Variants in FREM3 observed in about 807,000 individuals in gnomAD.
FREM3 encodes FRAS1 related extracellular matrix 3, also known as FRAS1-related extracellular matrix protein 3.
A neutral mutation model predicts 129.1 loss-of-function variants in FREM3; 105 were observed. That is an observed-to-expected ratio of 0.81 (90% CI 0.69 to 0.96). The LOEUF (loss-of-function observed/expected upper bound fraction) is 0.96. Ranked by LOEUF, FREM3 falls within the 40% of genes least tolerant of loss-of-function variation. FREM3 has a pLI of 0.00. For synonymous variants in FREM3, 1,014 were observed against 1,044.9 expected (o/e 0.97, Z 0.57); for missense variants, 2,593 against 2,666.3 (o/e 0.97, Z 0.61).
At chr4:143,624,086 C>G in intron 4 of FREM3, 22 bp downstream of exon 4, 1 of 1,365,804 alleles carries the variant, frequency 7.3e-7, no homozygotes, top group Non-Finnish European at 1.0e-6. Context: ...GTTAATAAAG[C>G]AAATCAATCA....
intron 2 of FREM3, among the ~76,000 whole-genome samples, chr4:143,629,667 CT>C (rs928611308): frequency 2.6e-5 from 4 of 152,170 alleles, no homozygotes; most frequent in South Asian, 2.1e-4. Flanking sequence ...TTTATATTTA[CT>C]TTTTTTGTGT....
At chr4:143,654,720 G>T (rs1349325) in intron 2 of FREM3, among the ~76,000 whole-genome samples, 75,782 of 152,018 alleles carry the variant, frequency 0.5, 19,681 homozygotes, top group East Asian at 0.71. Context: ...ATAAGGCAAT[G>T]ACATCTACTA....
At chr4:143,665,188 G>T (rs141068579) in intron 2 of FREM3, among the ~76,000 whole-genome samples, 1 of 152,068 alleles carries the variant, frequency 6.6e-6, no homozygotes, top group Non-Finnish European at 1.5e-5. Context: ...CGTTGCTCAC[G>T]CTGGGAGCTG....
chr4:143,645,844 T>G (rs187672850), intron 2 of FREM3, among the ~76,000 whole-genome samples: 207 of 152,380 alleles, frequency 1.4e-3, no homozygotes, highest in Admixed American at 3.9e-3. Flanking sequence ...TGCCTTTTTT[T>G]CTTCATCTGT....
rs774683246 is a variant in FREM3 at position 143,624,198 on chromosome 4, C to T, written c.5563G>A (p.Glu1855Lys). The T allele has an allele frequency of 6.5e-7, 1 of 1,536,912 alleles. No individual in the cohort carries two copies. Among genetic ancestry groups the T allele is most frequent in the Non-Finnish European group, 8.7e-7 (1 of 1,146,618 alleles). The stretch of plus-strand genomic sequence containing the variant: ...TCAGACAGAATGATCTGGAAGGTCT[C>T]TGAAGTCTCATATTCATTGTCAGGT... ...IIPDNEYETS[E>K]TFQIILSEPL... Residue 1855 changes from glutamate (E) to lysine (K), a missense_variant, in exon 4 of 8, where the codon GAG becomes AAG. Glu to Lys is a moderately conservative substitution (Grantham distance 56). Around this residue, in one of 2 missense-constraint regions of FREM3, gnomAD observed 317 missense variants for 399.0 expected, o/e 0.79. Transcript: ENST00000329798.
rs866970001 is a variant in FREM3, at chr4:143,700,513, T to A, written c.163A>T (p.Thr55Ser). 3.2e-5 allele frequency: 48 copies of A among 1,516,816 alleles called. No individual in the cohort carries two copies. The African/African-American group carries it at 5.0e-4, about 16-fold the overall frequency. 94.0% of individuals were successfully genotyped at this position (1,516,816 alleles called of 1,614,324 possible). The change falls in exon 1 of 8, where the codon ACT becomes TCT. Residue 55 changes from threonine to serine, a missense_variant. Thr to Ser is a moderately conservative substitution (Grantham distance 58, BLOSUM62 1). Transcript: ENST00000329798. ...YLPARGALDG[T>S]RPDGPSVLIA... ...AGCACGCTGGGGCCGTCGGGGCGAG[T>A]GCCGTCAAGCGCACCCCGGGCGGGC... is the stretch of plus-strand genomic sequence containing the variant.
At chr4:143,674,305 G>C (rs1330249656) in intron 2 of FREM3, among the ~76,000 whole-genome samples, 1 of 152,128 alleles carries the variant, frequency 6.6e-6, no homozygotes, top group African/African-American at 2.4e-5. Flanking sequence ...TTCATAAGTG[G>C]AGGAGAAATA....
chr4:143,637,383 T>C (rs745338173), intron 2 of FREM3, among the ~76,000 whole-genome samples: 8 of 152,200 alleles, frequency 5.3e-5, no homozygotes, highest in Non-Finnish European at 1.2e-4. Context: ...TTCCTCTGGC[T>C]ATCTCCCATG....
chr4:143,578,932 A>T (rs1429601935), intron 7 of FREM3, among the ~76,000 whole-genome samples: 1 of 152,176 alleles, frequency 6.6e-6, no homozygotes, highest in Non-Finnish European at 1.5e-5. Flanking sequence ...AGGTCTGAGT[A>T]GATTATGCAA....
At chr4:143,624,374 A>G (rs578198237) in intron 3 of FREM3, 36 bp from the exon 4 acceptor site, 1 of 1,253,084 alleles carries the variant, frequency 8.0e-7, no homozygotes, top group African/African-American at 1.5e-5. Flanking sequence ...ATATAAAGCC[A>G]AGTGACTGAA....
At chr4:143,587,827 T>A (rs773242537) in intron 6 of FREM3, among the ~76,000 whole-genome samples, 48 of 152,184 alleles carry the variant, frequency 3.2e-4, no homozygotes, top group Non-Finnish European at 4.3e-4. Flanking sequence ...ATGAAACAGA[T>A]ATATTCTGGC....
At chr4:143,667,397 T>A (rs1368427798) in intron 2 of FREM3, among the ~76,000 whole-genome samples, 1 of 152,160 alleles carries the variant, frequency 6.6e-6, no homozygotes, top group Non-Finnish European at 1.5e-5. Context: ...GTTTATTAAA[T>A]TAACATTTCA....
chr4:143,609,048 G>A (rs1738712647), intron 6 of FREM3, among the ~76,000 whole-genome samples: 1 of 152,066 alleles, frequency 6.6e-6, no homozygotes, highest in Non-Finnish European at 1.5e-5. Context: ...TAGAATTATG[G>A]AGGGAAAGGG....
intron 3 of FREM3, among the ~76,000 whole-genome samples, chr4:143,627,091 C>T (rs1213970884): frequency 1.3e-5 from 2 of 152,032 alleles, no homozygotes; most frequent in African/African-American, 4.8e-5. Context: ...TCCAAGAAAA[C>T]ATATTTCTGT....
intron 2 of FREM3, among the ~76,000 whole-genome samples, chr4:143,666,951 C>G (rs1242777054): frequency 6.6e-6 from 1 of 151,818 alleles, no homozygotes; most frequent in African/African-American, 2.4e-5. Context: ...TTTAAATGGG[C>G]AAATTGTATG....
intron 5 of FREM3, among the ~76,000 whole-genome samples, chr4:143,617,061 A>G (rs1189447310): frequency 6.6e-6 from 1 of 152,204 alleles, no homozygotes; most frequent in Non-Finnish European, 1.5e-5. Flanking sequence ...CTGTTCCTCC[A>G]ATAAGGCAGT....
chr4:143,636,725 G>A (rs570243533), intron 2 of FREM3, among the ~76,000 whole-genome samples: 16 of 151,826 alleles, frequency 1.1e-4, no homozygotes, highest in Admixed American at 5.9e-4. Flanking sequence ...TTTTAAAAGT[G>A]CAATAATTTG....
chr4:143,680,977 T>C (rs1484169372), intron 2 of FREM3, among the ~76,000 whole-genome samples: 1 of 152,112 alleles, frequency 6.6e-6, no homozygotes, highest in African/African-American at 2.4e-5. Flanking sequence ...GCAAGTCAAA[T>C]TCCATCAGGT....
At chr4:143,667,934 T>C (rs1739893475) in intron 2 of FREM3, among the ~76,000 whole-genome samples, 1 of 152,222 alleles carries the variant, frequency 6.6e-6, no homozygotes, top group Admixed American at 6.5e-5. Flanking sequence ...TTTGTACTTA[T>C]AAAAATAACA....
Sources: allele counts gnomAD v4.1 joint callset (sites outside exome capture counted in the v4.1 genomes callset), GRCh38; gene constraint gnomAD v4.1.1; regional missense constraint gnomAD v4.1.1; transcripts MANE v1.5; gene names NCBI Gene and HGNC (gene_info 2026-07-23, HGNC 2026-07-21).